The following IDI2 variants were observed in gnomAD, a reference collection of about 807,000 sequenced individuals.
The protein encoded by IDI2 is isopentenyl-diphosphate delta isomerase 2, also known as isopentenyl-diphosphate delta-isomerase 2.
IDI2 carries 18 observed loss-of-function variants against 14.8 expected under a neutral mutation model. That is an observed-to-expected ratio of 1.22 (90% CI 0.84 to 1.80). The LOEUF is 1.80. Among genes scored for constraint, IDI2 ranks in the 40% most tolerant of loss-of-function variants. The probability of loss-of-function intolerance (pLI) is 0.00; values close to 1 mark genes in which losing one functional copy is unlikely to be tolerated. For synonymous variants in IDI2, 133 were observed against 109.6 expected (o/e 1.21, Z -1.33); for missense variants, 316 against 283.2 (o/e 1.12, Z -0.83).
At position 1,019,374 on chromosome 10, in the gene IDI2, A is replaced by C; in HGVS notation, c.*143T>G. On this transcript the variant is annotated 3_prime_UTR_variant, in exon 5 of 5. Transcript: ENST00000277517. ...AATGAAGATATGACAAAGTTGATGA[A>C]AAGGTTGAAATAGTGATTTATACAT... 1 of 576,932 alleles carries C rather than the reference A, an allele frequency of 1.7e-6. No individual in the cohort carries two copies. The highest frequency in any genetic ancestry group is 2.6e-5 in the South Asian group (1 of 38,322). The allele number at this position is 576,932 out of a possible 1,614,324, so 35.7% of individuals were successfully genotyped here. A position where few individuals can be genotyped will look rare whatever the true frequency, so the allele number is the denominator to read the frequency against.
chr10:1,019,290 T>G lies in IDI2; in HGVS notation c.*227A>C, dbSNP rs904477222. On this transcript the variant is annotated 3_prime_UTR_variant, in exon 5 of 5. Transcript: ENST00000277517. ...AAAATGGAAATTGGGACAAAGGAAA[T>G]GTTAAATTTCCTCCCTGCAACCAGG... The G allele has an allele frequency of 1.8e-5, 9 of 497,160 alleles. No individual in the cohort carries two copies. The Admixed American group carries it at 3.0e-4, about 16-fold the overall frequency. The allele number at this position is 497,160 out of a possible 1,614,324, so 30.8% of individuals were successfully genotyped here. A position where few individuals can be genotyped will look rare whatever the true frequency, so the allele number is the denominator to read the frequency against.
rs949410827 is a variant in IDI2 at position 1,019,784 on chromosome 10, T to A, written c.417A>T (p.Lys139Asn). The A allele has an allele frequency of 1.9e-6, 3 of 1,613,902 alleles. No homozygotes were observed. Among genetic ancestry groups the A allele is most frequent in the African/African-American group, 2.7e-5 (2 of 74,894 alleles). Reference protein sequence around the residue: ...VFMTIYHHKAKSDRIWGEHEI... With the variant: ...VFMTIYHHKANSDRIWGEHEI... ...CATGCTCTCCCCAAATTCTGTCTGA[T>A]TTTGCCTTGTGGTGATAGATTGTCA... The change falls in exon 5 of 5, where the codon AAA becomes AAT. Residue 139 changes from lysine to asparagine, a missense_variant. Lys to Asn is a moderately conservative substitution (Grantham distance 94). Transcript: ENST00000277517.
intron 3 of IDI2, among the ~76,000 whole-genome samples, chr10:1,022,189 G>GC (rs1443537390): frequency 6.6e-6 from 1 of 151,914 alleles, no homozygotes; most frequent in Non-Finnish European, 1.5e-5. Flanking sequence ...AACCCAGGAG[G>GC]CGGGGCTTGC....
intron 3 of IDI2, among the ~76,000 whole-genome samples, chr10:1,021,215 G>T (rs1448128754): frequency 6.6e-6 from 1 of 152,228 alleles, no homozygotes; most frequent in East Asian, 1.9e-4. Context: ...TTCCTACTCA[G>T]TTTTGTACCC....
intron 2 of IDI2, among the ~76,000 whole-genome samples, chr10:1,024,143 G>A (rs1832168544): frequency 1.3e-5 from 2 of 152,168 alleles, no homozygotes. Flanking sequence ...GAGCAGGCTG[G>A]GGCCTATGGA....
At chr10:1,021,344 A>G (rs3812656) in intron 3 of IDI2, among the ~76,000 whole-genome samples, 73,583 of 152,162 alleles carry the variant, frequency 0.48, 19,795 homozygotes, top group African/African-American at 0.73. Flanking sequence ...ATCAGTGAGC[A>G]TGGTTTCACA....
chr10:1,022,411 C>G (rs1220000206), intron 3 of IDI2, among the ~76,000 whole-genome samples: 1 of 152,176 alleles, frequency 6.6e-6, no homozygotes, highest in Non-Finnish European at 1.5e-5. Flanking sequence ...ATAAATTCCT[C>G]TGCATTTAAG....
intron 2 of IDI2, among the ~76,000 whole-genome samples, 175 bp from the exon 3 acceptor site, chr10:1,022,950 G>C (rs574991959): frequency 2.2e-4 from 33 of 152,288 alleles, no homozygotes; most frequent in Admixed American, 1.4e-3. Flanking sequence ...CAGCGGATTA[G>C]AACACTCGGG....
intron 1 of IDI2, among the ~76,000 whole-genome samples, 154 bp from the exon 2 acceptor site, chr10:1,024,898 GA>G (rs1389055031): frequency 6.6e-6 from 1 of 152,054 alleles, no homozygotes; most frequent in African/African-American, 2.4e-5. Flanking sequence ...TATGGAAGGT[GA>G]ATCATCTGTT....
intron 3 of IDI2, among the ~76,000 whole-genome samples, chr10:1,022,287 A>G (rs902300512): frequency 5.9e-5 from 9 of 152,078 alleles, no homozygotes; most frequent in African/African-American, 1.9e-4. Context: ...TTAAGTTGTA[A>G]TTTTAAGAAG....
chr10:1,020,425 G>A (rs1294904365), intron 4 of IDI2, among the ~76,000 whole-genome samples: 3 of 152,138 alleles, frequency 2.0e-5, no homozygotes, highest in Admixed American at 6.5e-5. Context: ...TCTTGACCTT[G>A]TGATCCGCCC....
chr10:1,020,994 A>G (rs1389060970), intron 3 of IDI2, 97 bp from the exon 4 acceptor site: 2 of 1,368,658 alleles, frequency 1.5e-6, no homozygotes, highest in African/African-American at 1.4e-5. Flanking sequence ...ATCATCCGTC[A>G]TCAGCAGAAG....
chr10:1,023,507 T>C (rs1240976091), intron 2 of IDI2, among the ~76,000 whole-genome samples: 1 of 150,634 alleles, frequency 6.6e-6, no homozygotes, highest in East Asian at 1.9e-4. Flanking sequence ...AATGAAATCC[T>C]GTCATTTGTA....
chr10:1,025,358 G>A (rs1832197811), intron 1 of IDI2, among the ~76,000 whole-genome samples: 1 of 152,044 alleles, frequency 6.6e-6, no homozygotes, highest in South Asian at 2.1e-4. Flanking sequence ...TGGCCAACAT[G>A]GTGGAACCCT....
At chr10:1,024,421 G>A (rs12777800) in intron 2 of IDI2, among the ~76,000 whole-genome samples, 161 bp downstream of exon 2, 19,902 of 152,138 alleles carry the variant, frequency 0.13, 1,748 homozygotes, top group Non-Finnish European at 0.2. Flanking sequence ...CGTCATCCAG[G>A]TGCTGCTCCC....
intron 1 of IDI2, among the ~76,000 whole-genome samples, chr10:1,025,579 C>T (rs1398036094): frequency 6.6e-6 from 1 of 150,850 alleles, no homozygotes. Flanking sequence ...GGTCATTTAT[C>T]TTCATGTAAA....
intron 2 of IDI2, among the ~76,000 whole-genome samples, 189 bp from the exon 3 acceptor site, chr10:1,022,964 C>G (rs753184384): frequency 5.9e-5 from 9 of 152,126 alleles, no homozygotes; most frequent in Non-Finnish European, 1.3e-4. Context: ...ACTCGGGAAA[C>G]TAAAAATAGA....
At chr10:1,021,488 A>G (rs1302943718) in intron 3 of IDI2, among the ~76,000 whole-genome samples, 1 of 152,232 alleles carries the variant, frequency 6.6e-6, no homozygotes, top group African/African-American at 2.4e-5. Context: ...CTCGTTCCTC[A>G]GACCCTCAGT....
At chr10:1,021,802 C>T (rs1349540159) in intron 3 of IDI2, among the ~76,000 whole-genome samples, 1 of 152,166 alleles carries the variant, frequency 6.6e-6, no homozygotes, top group Non-Finnish European at 1.5e-5. Context: ...GTACCCACTG[C>T]GGCTCCGAGG....
Sources: gnomAD v4.1 joint callset for allele counts (sites outside exome capture counted in the v4.1 genomes callset) on GRCh38, gnomAD v4.1.1 for gene constraint, MANE v1.5 for transcripts, NCBI Gene and HGNC (gene_info 2026-07-23, HGNC 2026-07-21) for gene names.